Variants in NSD3 observed in about 807,000 individuals in gnomAD.
The protein encoded by NSD3 is histone-lysine N-methyltransferase NSD3.
Under a neutral mutation model 160.8 loss-of-function variants are expected in NSD3, and 24 were observed. The ratio of observed to expected loss-of-function variants is 0.15; its 90% confidence interval spans 0.11 to 0.21. NSD3 has a LOEUF of 0.21. Ranked by LOEUF, NSD3 falls within the 10% of genes least tolerant of loss-of-function variation. The probability of loss-of-function intolerance (pLI) is 1.00; values close to 1 mark genes in which losing one functional copy is unlikely to be tolerated. For synonymous variants in NSD3, 520 were observed against 600.0 expected (o/e 0.87, Z 1.95); for missense variants, 1,157 against 1,735.9 (o/e 0.67, Z 5.93).
chr8:38,289,776 C>CT (rs1326992496), intron 17 of NSD3, among the ~76,000 whole-genome samples: 1 of 152,174 alleles, frequency 6.6e-6, no homozygotes, highest in Non-Finnish European at 1.5e-5. Flanking sequence ...CTAAGAGCAG[C>CT]TTTTTGCCTT....
At chr8:38,360,792 T>C (rs960281647) in intron 1 of NSD3, among the ~76,000 whole-genome samples, 1 of 152,208 alleles carries the variant, frequency 6.6e-6, no homozygotes, top group Non-Finnish European at 1.5e-5. Context: ...TCCCTTTATA[T>C]TTTCATGTAA....
chr8:38,327,663 T>C (rs769146113), intron 6 of NSD3, among the ~76,000 whole-genome samples: 2 of 152,214 alleles, frequency 1.3e-5, no homozygotes, highest in African/African-American at 2.4e-5. Context: ...TCTTTATACA[T>C]ATCACAGTAA....
intron 7 of NSD3, among the ~76,000 whole-genome samples, chr8:38,324,566 T>C (rs989153368): frequency 6.6e-5 from 10 of 152,202 alleles, no homozygotes; most frequent in African/African-American, 2.4e-5. Flanking sequence ...AGAAAATTAC[T>C]TGGTCACTGT....
chr8:38,286,940 C>T (rs1051062256), intron 19 of NSD3, among the ~76,000 whole-genome samples: 5 of 152,200 alleles, frequency 3.3e-5, no homozygotes, highest in Admixed American at 2.6e-4. Context: ...ACCAGCTAGC[C>T]CCTTTTCCAG....
At chr8:38,315,152 T>C (rs1013305063) in intron 11 of NSD3, among the ~76,000 whole-genome samples, 4 of 152,206 alleles carry the variant, frequency 2.6e-5, no homozygotes, top group African/African-American at 9.7e-5. Flanking sequence ...CTTTAAAATT[T>C]TGAATTTAAG....
intron 1 of NSD3, among the ~76,000 whole-genome samples, chr8:38,357,304 C>T (rs2150388634): frequency 6.6e-6 from 1 of 152,100 alleles, no homozygotes; most frequent in East Asian, 1.9e-4. Flanking sequence ...GATTAAAATC[C>T]TTCAATGGTT....
intron 1 of NSD3, among the ~76,000 whole-genome samples, chr8:38,352,213 G>A (rs1356924393): frequency 6.6e-6 from 1 of 152,086 alleles, no homozygotes; most frequent in Non-Finnish European, 1.5e-5. Flanking sequence ...AAACAAAGCT[G>A]ACAATACACT....
intron 7 of NSD3, among the ~76,000 whole-genome samples, chr8:38,325,023 C>A (rs939158040): frequency 6.6e-6 from 1 of 152,156 alleles, no homozygotes; most frequent in Non-Finnish European, 1.5e-5. Flanking sequence ...TATCATGAAC[C>A]AGTAAATGTA....
chr8:38,310,237 T>C (rs1809500619), intron 12 of NSD3, among the ~76,000 whole-genome samples: 1 of 152,186 alleles, frequency 6.6e-6, no homozygotes, highest in African/African-American at 2.4e-5. Context: ...TTCTAAGAAT[T>C]TGACTATTCC....
chr8:38,381,166 T>C (rs1192157846), intron 1 of NSD3, among the ~76,000 whole-genome samples: 1 of 152,132 alleles, frequency 6.6e-6, no homozygotes, highest in Non-Finnish European at 1.5e-5. Flanking sequence ...TCGATCGTTC[T>C]CATCCCTGTC....
chr8:38,351,849 C>T (rs1810710083), intron 1 of NSD3, among the ~76,000 whole-genome samples: 2 of 150,126 alleles, frequency 1.3e-5, no homozygotes, highest in African/African-American at 4.9e-5. Flanking sequence ...GGAAGGGGAA[C>T]ATCACACACC....
chr8:38,276,541 C>A, intron 22 of NSD3, 41 bp from the exon 23 acceptor site: 1 of 1,607,562 alleles, frequency 6.2e-7, no homozygotes, highest in Non-Finnish European at 8.5e-7. Flanking sequence ...ACATCACAGA[C>A]AGTGCATGAA....
chr8:38,305,500 G>A (rs1235959762), intron 12 of NSD3, 55 bp from the exon 13 acceptor site: 1 of 1,574,478 alleles, frequency 6.4e-7, no homozygotes, highest in African/African-American at 1.3e-5. Flanking sequence ...GCATATTCAA[G>A]TAGAAGCAGC....
At position 38,329,068 on chromosome 8, in the gene NSD3, C is replaced by T. The variant is rs1809983837; in HGVS notation, c.1581+310G>A. Among the ~76,000 whole-genome samples, 1 of 152,178 alleles carries T rather than the reference C, an allele frequency of 6.6e-6. No individual in the cohort carries two copies. Among genetic ancestry groups the T allele is most frequent in the Non-Finnish European group, 1.5e-5 (1 of 68,036 alleles). The stretch of plus-strand genomic sequence containing the variant: ...ACACTTTGCAACTAAGAAAAGCTAA[C>T]TACGCAAACTAGAAACAGGCAAAGT... On this transcript the variant is annotated intron_variant, in intron 6 of 23. Coordinates refer to ENST00000317025, the MANE Select transcript of NSD3 (RefSeq NM_023034.2). The surrounding 1 kb of genome is among the most constrained non-coding windows in gnomAD (Gnocchi z 4.8).
Position 38,275,393 on chromosome 8 carries a change from G to A in NSD3, c.*248C>T. On this transcript the variant is annotated 3_prime_UTR_variant, in exon 24 of 24. Coordinates refer to ENST00000317025, the MANE Select transcript of NSD3 (RefSeq NM_023034.2). ...TTCTTTTTCAAGCTGCAATGGCACT[G>A]AAGCACAATAAAAGGCAAGAAAAGA... 2.3e-6 allele frequency: 1 copy of A among 442,648 alleles called. No homozygotes were observed. The allele number at this position is 442,648 out of a possible 1,614,324, so 27.4% of individuals were successfully genotyped here.
intron 7 of NSD3, among the ~76,000 whole-genome samples, chr8:38,322,433 C>T (rs187434784): frequency 4.6e-5 from 7 of 152,060 alleles, no homozygotes; most frequent in Non-Finnish European, 7.4e-5. Context: ...CCTGAGGATC[C>T]GAGATCCATA....
chr8:38,276,831 C>T (rs1808612040), intron 22 of NSD3, among the ~76,000 whole-genome samples: 1 of 152,144 alleles, frequency 6.6e-6, no homozygotes, highest in African/African-American at 2.4e-5. Flanking sequence ...ACTACATGTG[C>T]ATGTCATCAT....
At chr8:38,360,339 A>G (rs1371849445) in intron 1 of NSD3, among the ~76,000 whole-genome samples, 1 of 152,150 alleles carries the variant, frequency 6.6e-6, no homozygotes, top group Non-Finnish European at 1.5e-5. Flanking sequence ...CTCAGATTCA[A>G]AGGCCATTAT....
At chr8:38,326,899 A>T (rs746299857) in intron 6 of NSD3, 43 bp from the exon 7 acceptor site, 1 of 1,609,118 alleles carries the variant, frequency 6.2e-7, no homozygotes, top group Admixed American at 1.7e-5. Context: ...ACAGGTGATT[A>T]CCAGGCAAGT....
Sources: allele counts gnomAD v4.1 joint callset (sites outside exome capture counted in the v4.1 genomes callset), GRCh38; gene constraint gnomAD v4.1.1; non-coding constraint Gnocchi (gnomAD v3.1); transcripts MANE v1.5; gene names NCBI Gene and HGNC (gene_info 2026-07-23, HGNC 2026-07-21).